The following DNHD1 variants were observed in gnomAD, a reference collection of about 807,000 sequenced individuals.
DNHD1 encodes dynein heavy chain domain 1, also known as dynein heavy chain domain-containing protein 1.
A neutral mutation model predicts 458.1 loss-of-function variants in DNHD1; 383 were observed. The observed-to-expected ratio is 0.84, with a 90% CI of 0.77 to 0.91. The LOEUF (loss-of-function observed/expected upper bound fraction) is 0.91. Ranked by LOEUF, DNHD1 falls within the 40% of genes least tolerant of loss-of-function variation. DNHD1 has a pLI of 0.00. For missense variants in DNHD1, 5,336 were observed against 5,866.1 expected (o/e 0.91, Z 2.95); for synonymous variants, 2,203 against 2,376.9 (o/e 0.93, Z 2.13).
chr11:6,540,048 T>A lies in DNHD1; in HGVS notation c.3593T>A (p.Val1198Glu). Residue 1198 changes from valine to glutamate, a missense_variant, in exon 18 of 43, where the codon GTA (valine) becomes GAA (glutamate). Val to Glu is a moderately radical substitution (Grantham distance 121, BLOSUM62 -2). Coordinates refer to ENST00000254579, the MANE Select transcript of DNHD1 (RefSeq NM_144666.3). Reference protein sequence around the residue: ...RQVLRSPQWEVVDKDSGTFIL... With the variant: ...RQVLRSPQWEEVDKDSGTFIL... Reference sequence around the variant, plus strand: ...GTGCTCCGCAGCCCCCAATGGGAGGTAGTGGACAAAGATAGTGGCACCTTC... The same window carrying A: ...GTGCTCCGCAGCCCCCAATGGGAGGAAGTGGACAAAGATAGTGGCACCTTC... The A allele has an allele frequency of 6.4e-7, 1 of 1,551,534 alleles. No homozygotes were observed.
chr11:6,517,652 CTTTTTTTT>C (rs59300977), intron 7 of DNHD1, among the ~76,000 whole-genome samples: 19,594 of 57,280 alleles, frequency 0.34, 1,878 homozygotes, highest in Admixed American at 0.38. Flanking sequence ...TCTAGGACTT[CTTTTTTTT>C]TTTTTTTTTT....
In DNHD1 at chr11:6,570,361, C is replaced by T. The variant is rs775588584; in HGVS notation, c.13070C>T (p.Pro4357Leu). The change falls in exon 41 of 43, where the codon CCT becomes CTT. Residue 4357 changes from proline to leucine, a missense_variant. Physicochemically the swap from Pro to Leu is moderately conservative, Grantham distance 98 (BLOSUM62 -3). Around this residue, in one of 4 missense-constraint regions of DNHD1, gnomAD observed 698 missense variants for 664.9 expected, o/e 1.05. Coordinates refer to ENST00000254579, the MANE Select transcript of DNHD1 (RefSeq NM_144666.3). ...GGGAGCTGGGTCCAGCCACACACAC[C>T]TCAGTCTTTGCTGGCCACGCTCATG... ...SSGSWVQPHTPQSLLATLMPL... is the reference protein window; with the variant it reads ...SSGSWVQPHTLQSLLATLMPL... 1.9e-6 allele frequency: 3 copies of T among 1,611,662 alleles called. No individual in the cohort carries two copies. Among genetic ancestry groups the T allele is most frequent in the East Asian group, 2.2e-5 (1 of 44,852 alleles).
chr11:6,562,624 A>T (rs1470004401), intron 28 of DNHD1, among the ~76,000 whole-genome samples: 2 of 152,200 alleles, frequency 1.3e-5, no homozygotes, highest in East Asian at 3.8e-4. Context: ...ACACAGTATC[A>T]TGAAGGCCAA....
At chr11:6,553,887 T>A (rs1178445047) in intron 24 of DNHD1, among the ~76,000 whole-genome samples, 3 of 152,054 alleles carry the variant, frequency 2.0e-5, no homozygotes, top group Non-Finnish European at 4.4e-5. Context: ...ATCAGAAGAG[T>A]CAGTATCATT....
At position 6,557,264 on chromosome 11, in the gene DNHD1, G is replaced by A. The variant is rs553080016; in HGVS notation, c.7969G>A (p.Asp2657Asn). 39 of 1,551,414 alleles carry A rather than the reference G, an allele frequency of 2.5e-5. No individual in the cohort carries two copies. Among genetic ancestry groups the A allele is most frequent in the South Asian group, 5.9e-5 (5 of 84,046 alleles). The change falls in exon 25 of 43, where the codon GAC (aspartate) becomes AAC (asparagine). Residue 2657 changes from aspartate to asparagine, a missense_variant. Transcript: ENST00000254579. ...WLHEAQRTFC[D>N]RLDSPRERSY... ...GCATGAGGCACAGAGAACCTTTTGC[G>A]ACCGGCTGGACAGCCCCAGGGAACG...
rs1169501727 is a variant in DNHD1, at chr11:6,546,290, T to C, written c.5351T>C (p.Leu1784Pro). ...TSTIDPTQPQ[L>P]LGSSFFEKHH... ...ACCATAGACCCCACCCAGCCCCAGC[T>C]CCTTGGCAGTAGCTTCTTTGAAAAA... The change falls in exon 21 of 43, where the codon CTC becomes CCC. Residue 1784 changes from leucine to proline, a missense_variant. By Grantham distance (98) the Leu-to-Pro change is moderately conservative. This residue lies in a region of DNHD1 where 3,932 missense variants were observed against 4,365.6 expected (regional missense o/e 0.90). Transcript: ENST00000254579. 5.2e-6 allele frequency: 8 copies of C among 1,552,374 alleles called. No homozygotes were observed. Among genetic ancestry groups the C allele is most frequent in the Non-Finnish European group, 7.0e-6 (8 of 1,147,138 alleles).
chr11:6,570,680 C>T lies in DNHD1; in HGVS notation c.13168C>T (p.Pro4390Ser), dbSNP rs753571942. The change falls in exon 42 of 43, where the codon CCT (proline) becomes TCT (serine). Residue 4390 changes from proline (P) to serine (S), a missense_variant. By Grantham distance (74) the Pro-to-Ser change is moderately conservative (BLOSUM62 -1). This residue lies in a region of DNHD1 where 698 missense variants were observed against 664.9 expected (regional missense o/e 1.05). Coordinates refer to ENST00000254579, the MANE Select transcript of DNHD1 (RefSeq NM_144666.3). ...KAQMHLLPSP[P>S]EPRLCGLSEG... is the part of the protein sequence containing the mutation. ...CCAGATGCACCTACTGCCCTCACCA[C>T]CTGAACCCCGGCTCTGCGGACTGAG... 6 of 1,612,088 alleles carry T rather than the reference C, an allele frequency of 3.7e-6. No homozygotes were observed. Among genetic ancestry groups the T allele is most frequent in the Non-Finnish European group, 5.1e-6 (6 of 1,179,146 alleles).
At position 6,571,242 on chromosome 11, in the gene DNHD1, C is replaced by A. The variant is rs762313809; in HGVS notation, c.13730C>A (p.Pro4577Gln). Reference protein sequence around the residue: ...GVGADASSDVPERVFHLSAFR... With the variant: ...GVGADASSDVQERVFHLSAFR... Reference sequence around the variant, plus strand: ...GGCGCGGACGCGAGCAGTGATGTACCAGAGCGCGTCTTCCACCTGTCAGCC... The same window carrying A: ...GGCGCGGACGCGAGCAGTGATGTACAAGAGCGCGTCTTCCACCTGTCAGCC... Residue 4577 changes from proline to glutamine, a missense_variant, in exon 42 of 43, where the codon CCA becomes CAA. Physicochemically the swap from Pro to Gln is moderately conservative, Grantham distance 76. Around this residue, in one of 4 missense-constraint regions of DNHD1, gnomAD observed 698 missense variants for 664.9 expected, o/e 1.05. Coordinates refer to ENST00000254579, the MANE Select transcript of DNHD1 (RefSeq NM_144666.3). This position sits in a 1 kb window ranked among gnomAD's most constrained non-coding sequence, Gnocchi z 5.0. The A allele has an allele frequency of 6.2e-7, 1 of 1,612,556 alleles. No homozygotes were observed. Among genetic ancestry groups the A allele is most frequent in the Non-Finnish European group, 8.5e-7 (1 of 1,179,680 alleles).
In DNHD1 at chr11:6,568,158, C is replaced by G. The variant is rs1472996527; in HGVS notation, c.12454C>G (p.Leu4152Val). ...LSQAMYEGHW[L>V]VLDNCHLMPH... ...CCAGGCTATGTATGAGGGGCACTGGCTGGTGCTGGACAACTGTCATCTGAT... is the reference window on the plus strand; with the variant it reads ...CCAGGCTATGTATGAGGGGCACTGGGTGGTGCTGGACAACTGTCATCTGAT... The change falls in exon 37 of 43, where the codon CTG becomes GTG. Residue 4152 changes from leucine (L) to valine (V), a missense_variant. Around this residue, in one of 4 missense-constraint regions of DNHD1, gnomAD observed 695 missense variants for 804.2 expected, o/e 0.86. Coordinates refer to ENST00000254579, the MANE Select transcript of DNHD1 (RefSeq NM_144666.3). The G allele has an allele frequency of 1.3e-6, 2 of 1,555,666 alleles. No individual in the cohort carries two copies. The highest frequency in any genetic ancestry group is 1.7e-6 in the Non-Finnish European group (2 of 1,149,030).
chr11:6,554,948 A>G (rs1853430987), intron 24 of DNHD1, among the ~76,000 whole-genome samples: 1 of 152,218 alleles, frequency 6.6e-6, no homozygotes, highest in Non-Finnish European at 1.5e-5. Context: ...CTTAGTATAC[A>G]TGAACATTCA....
At position 6,568,819 on chromosome 11, in the gene DNHD1, A is replaced by G. The variant is rs1348973781; in HGVS notation, c.12816A>G (p.Leu4272=). ...LPLLLLHGLL[L]HRQLYGTRLQ... is the part of the protein sequence containing the mutation. The stretch of plus-strand genomic sequence containing the variant: ...TGCTCCTCCTCCATGGCCTCCTGCT[A>G]CACCGGCAGCTCTATGGAACAAGGC... Residue 4272 remains leucine, a synonymous_variant, in exon 39 of 43, where the codon CTA becomes CTG. Transcript: ENST00000254579. The G allele has an allele frequency of 3.7e-6, 6 of 1,612,988 alleles. No homozygotes were observed. Among genetic ancestry groups the G allele is most frequent in the African/African-American group, 1.3e-5 (1 of 74,854 alleles).
In DNHD1 at chr11:6,557,872, C is replaced by T. The variant is rs1263655534; in HGVS notation, c.8577C>T (p.Ser2859=). Residue 2859 remains serine (S), a synonymous_variant, in exon 25 of 43, where the codon AGC becomes AGT. Transcript: ENST00000254579. ...CCTCAGCTGCTCAACTGAAGTTGAG[C>T]CCCCACCTGGCCCGGTGTCATTCCA... ...LATSAAQLKL[S]PHLARCHSMA... 8.4e-6 allele frequency: 13 copies of T among 1,550,904 alleles called. No homozygotes were observed. Among genetic ancestry groups the T allele is most frequent in the Middle Eastern group, 1.7e-4 (1 of 6,014 alleles).
intron 3 of DNHD1, among the ~76,000 whole-genome samples, chr11:6,501,739 T>C (rs1852140701): frequency 6.6e-6 from 1 of 152,126 alleles, no homozygotes; most frequent in African/African-American, 2.4e-5. Flanking sequence ...CCACAGCTGA[T>C]TGGACACCAG....
At chr11:6,517,042 C>T (rs552405295) in intron 7 of DNHD1, among the ~76,000 whole-genome samples, 2 of 152,284 alleles carry the variant, frequency 1.3e-5, no homozygotes, top group East Asian at 1.9e-4. Flanking sequence ...GCTAGGAAGT[C>T]CAACATCAAG....
At chr11:6,555,519 T>C (rs944795807) in intron 24 of DNHD1, among the ~76,000 whole-genome samples, 4 of 152,052 alleles carry the variant, frequency 2.6e-5, no homozygotes, top group African/African-American at 4.8e-5. Context: ...CACACTCAGC[T>C]CCCCTTTATT....
intron 28 of DNHD1, among the ~76,000 whole-genome samples, chr11:6,560,833 T>C (rs1853572404): frequency 6.6e-6 from 1 of 152,230 alleles, no homozygotes; most frequent in African/African-American, 2.4e-5. Flanking sequence ...AACTGGTTAA[T>C]TTTTTCATTA....
chr11:6,557,462 A>C lies in DNHD1; in HGVS notation c.8167A>C (p.Ser2723Arg). Residue 2723 changes from serine (S) to arginine (R), a missense_variant, in exon 25 of 43, where the codon AGC (serine) becomes CGC (arginine). This residue lies in a region of DNHD1 where 3,932 missense variants were observed against 4,365.6 expected (regional missense o/e 0.90). Coordinates refer to ENST00000254579, the MANE Select transcript of DNHD1 (RefSeq NM_144666.3). ...GGCCCAGTGGGAGGACTTCAGCAAC[A>C]GCAATAGTGAAACAGAGGAGGAAGA... ...ELAQWEDFSN[S>R]NSETEEEEEP... The C allele has an allele frequency of 6.4e-7, 1 of 1,551,762 alleles. No homozygotes were observed. The highest frequency in any genetic ancestry group is 8.7e-7 in the Non-Finnish European group (1 of 1,147,052).
At chr11:6,514,530 TC>T (rs1298088652) in intron 7 of DNHD1, among the ~76,000 whole-genome samples, 1 of 148,418 alleles carries the variant, frequency 6.7e-6, no homozygotes, top group Non-Finnish European at 1.5e-5. Context: ...CCTCCCTTCC[TC>T]CCTTTTTCTC....
intron 13 of DNHD1, 76 bp downstream of exon 13, chr11:6,533,260 G>T (rs1467534173): frequency 2.8e-6 from 4 of 1,426,918 alleles, no homozygotes; most frequent in Non-Finnish European, 3.8e-6. Context: ...CTCTCTTCAG[G>T]TCTCTGCTGA....
Sources: gnomAD v4.1 joint callset for allele counts (sites outside exome capture counted in the v4.1 genomes callset) on GRCh38, gnomAD v4.1.1 for gene constraint, gnomAD v4.1.1 regional missense constraint, Gnocchi (gnomAD v3.1) non-coding constraint, MANE v1.5 for transcripts, NCBI Gene and HGNC (gene_info 2026-07-23, HGNC 2026-07-21) for gene names.